The following OLFM3 variants were observed in gnomAD, a reference collection of about 807,000 sequenced individuals.
OLFM3 encodes noelin-3.
Under a neutral mutation model 48.6 loss-of-function variants are expected in OLFM3, and 20 were observed. The ratio of observed to expected loss-of-function variants is 0.41; its 90% CI spans 0.29 to 0.60. OLFM3 has a LOEUF of 0.60. Among genes scored for constraint, OLFM3 ranks in the 20% least tolerant of loss-of-function variants. OLFM3 has a pLI of 0.28. For missense variants in OLFM3, 437 were observed against 544.3 expected, an observed-to-expected ratio of 0.80 and a Z score of 1.96; for synonymous variants, 222 against 198.1, an observed-to-expected ratio of 1.12 and a Z score of -1.01.
chr1:101,903,396 G>A (rs1157513356), intron 1 of OLFM3, among the ~76,000 whole-genome samples: 1 of 152,048 alleles, frequency 6.6e-6, no homozygotes, highest in Non-Finnish European at 1.5e-5. Flanking sequence ...ATATTCAAAG[G>A]TTAATTAGAC....
At chr1:101,883,950 C>G (rs1276223507) in intron 1 of OLFM3, among the ~76,000 whole-genome samples, 1 of 151,136 alleles carries the variant, frequency 6.6e-6, no homozygotes, top group Non-Finnish European at 1.5e-5. Context: ...TTTTTTTAAT[C>G]CTGGTCTGTA....
chr1:101,862,174 T>C (rs996352639), intron 1 of OLFM3, among the ~76,000 whole-genome samples: 3 of 152,150 alleles, frequency 2.0e-5, no homozygotes, highest in African/African-American at 7.2e-5. Flanking sequence ...TTATCTGAAA[T>C]TTTGCACCTG....
At chr1:101,981,192 C>G (rs1259428539) in intron 1 of OLFM3, among the ~76,000 whole-genome samples, 5 of 151,878 alleles carry the variant, frequency 3.3e-5, no homozygotes, top group African/African-American at 9.7e-5. Context: ...ATAAGTCATC[C>G]TCCCTCTCAG....
chr1:101,849,250 G>T (rs886301341), intron 1 of OLFM3, among the ~76,000 whole-genome samples: 5 of 152,242 alleles, frequency 3.3e-5, no homozygotes, highest in African/African-American at 1.2e-4. Flanking sequence ...ATAGTTTGCA[G>T]TACTCTCATA....
At chr1:101,911,822 G>A (rs1487970898) in intron 1 of OLFM3, among the ~76,000 whole-genome samples, 1 of 152,174 alleles carries the variant, frequency 6.6e-6, no homozygotes, top group Non-Finnish European at 1.5e-5. Context: ...ATTTATATGA[G>A]TCTTCACACT....
intron 1 of OLFM3, among the ~76,000 whole-genome samples, chr1:101,954,488 T>C (rs769935121): frequency 3.9e-5 from 6 of 152,100 alleles, no homozygotes; most frequent in Non-Finnish European, 8.8e-5. Flanking sequence ...GTAATGAACA[T>C]GTACCCTAGA....
At chr1:101,911,882 T>TG (rs1570623848) in intron 1 of OLFM3, among the ~76,000 whole-genome samples, 1 of 152,238 alleles carries the variant, frequency 6.6e-6, no homozygotes, top group East Asian at 1.9e-4. Flanking sequence ...TTCTCCCATA[T>TG]CTTGAATCTC....
chr1:101,814,870 TTA>T, intron 4 of OLFM3, among the ~76,000 whole-genome samples: 1 of 152,316 alleles, frequency 6.6e-6, no homozygotes, highest in Non-Finnish European at 1.5e-5. Context: ...ATAATAGCTA[TTA>T]TTATTGTTAT....
At position 101,803,264 on chromosome 1, in the gene OLFM3, C is replaced by T. The variant is rs1015681194; in HGVS notation, c.*974G>A. The T allele has an allele frequency of 1.3e-5, 2 of 151,944 alleles. No homozygotes were observed. The allele number at this position is 151,944 out of a possible 1,614,324, so 9.4% of individuals were successfully genotyped here. A position where few individuals can be genotyped will look rare whatever the true frequency, so the allele number is the denominator to read the frequency against. ...GTAAAATATAAATTAAATGCTAGTA[C>T]ATTTAACTATGAAGAACAAAATTTC... On this transcript the variant is annotated 3_prime_UTR_variant, in exon 6 of 6. Transcript: ENST00000370103.
intron 2 of OLFM3, among the ~76,000 whole-genome samples, chr1:101,832,634 C>T (rs1655216303): frequency 2.0e-5 from 3 of 152,184 alleles, no homozygotes; most frequent in Admixed American, 2.0e-4. Context: ...TCATATCTTC[C>T]ATTTCCAAGA....
chr1:101,874,505 A>AATG (rs1657218228), intron 1 of OLFM3, among the ~76,000 whole-genome samples: 1 of 151,574 alleles, frequency 6.6e-6, no homozygotes, highest in African/African-American at 2.4e-5. Context: ...TAATAATAAT[A>AATG]ATAGTAACAG....
intron 1 of OLFM3, among the ~76,000 whole-genome samples, chr1:101,930,762 G>C (rs1030957657): frequency 6.6e-6 from 1 of 152,210 alleles, no homozygotes; most frequent in Admixed American, 6.5e-5. Flanking sequence ...TTCCTTTGCA[G>C]ATGAGAAATT....
At chr1:101,919,133 G>T (rs1267786207) in intron 1 of OLFM3, among the ~76,000 whole-genome samples, 1 of 151,864 alleles carries the variant, frequency 6.6e-6, no homozygotes, top group Non-Finnish European at 1.5e-5. Context: ...ACTTAATTTG[G>T]TTCTACAGAA....
intron 1 of OLFM3, among the ~76,000 whole-genome samples, chr1:101,866,639 G>A (rs965941784): frequency 1.3e-4 from 19 of 151,968 alleles, no homozygotes; most frequent in African/African-American, 4.1e-4. Context: ...ATATAAACAC[G>A]ATAAATTACT....
chr1:101,882,314 T>G (rs1657561951), intron 1 of OLFM3, among the ~76,000 whole-genome samples: 1 of 136,502 alleles, frequency 7.3e-6, no homozygotes, highest in Non-Finnish European at 1.6e-5. Flanking sequence ...TTAATATAAG[T>G]GCATATATAT....
At chr1:101,918,343 G>C (rs887267742) in intron 1 of OLFM3, among the ~76,000 whole-genome samples, 3 of 152,108 alleles carry the variant, frequency 2.0e-5, no homozygotes, top group African/African-American at 7.2e-5. Flanking sequence ...AGTTGTTTTG[G>C]TCAGAAGGCT....
intron 4 of OLFM3, among the ~76,000 whole-genome samples, chr1:101,813,872 A>C (rs1321670665): frequency 6.6e-6 from 1 of 152,332 alleles, no homozygotes; most frequent in East Asian, 1.9e-4. Context: ...TTAAACGAAG[A>C]GTTAATGTCC....
At chr1:101,943,471 A>C (rs968663069) in intron 1 of OLFM3, among the ~76,000 whole-genome samples, 2 of 152,220 alleles carry the variant, frequency 1.3e-5, no homozygotes, top group East Asian at 1.9e-4. Context: ...ACGTATATGC[A>C]AATATCAATT....
chr1:101,825,789 A>T (rs1206928685), intron 3 of OLFM3, among the ~76,000 whole-genome samples: 1 of 152,166 alleles, frequency 6.6e-6, no homozygotes, highest in Non-Finnish European at 1.5e-5. Context: ...CATCATGGCC[A>T]TCAACCAACT....
Sources: allele counts gnomAD v4.1 joint callset (sites outside exome capture counted in the v4.1 genomes callset), GRCh38; gene constraint gnomAD v4.1.1; transcripts MANE v1.5; gene names NCBI Gene and HGNC (gene_info 2026-07-23, HGNC 2026-07-21).